Variants in XIRP2 observed in about 807,000 individuals in gnomAD.
XIRP2 encodes the protein xin actin binding repeat containing 2.
XIRP2 carries 236 observed loss-of-function variants against 277.0 expected under a neutral mutation model. That is an observed-to-expected ratio of 0.85 (90% CI 0.77 to 0.95). The LOEUF (loss-of-function observed/expected upper bound fraction) is 0.95. Among genes scored for constraint, XIRP2 ranks in the 40% least tolerant of loss-of-function variants. The pLI is 0.00. For missense variants in XIRP2, 4,640 were observed against 4,157.5 expected (o/e 1.12, Z -3.19); for synonymous variants, 1,490 against 1,416.5 (o/e 1.05, Z -1.17).
chr2:167,190,785 A>G (rs559048300), intron 3 of XIRP2, among the ~76,000 whole-genome samples: 2 of 152,330 alleles, frequency 1.3e-5, no homozygotes, highest in South Asian at 4.1e-4. Context: ...CAATGTGGCC[A>G]TATTTAATGA....
intron 4 of XIRP2, among the ~76,000 whole-genome samples, chr2:167,213,773 T>C (rs1487805414): frequency 2.6e-5 from 4 of 152,138 alleles, no homozygotes; most frequent in Non-Finnish European, 5.9e-5. Context: ...TCCTGCCATC[T>C]CACATGTGTA....
In XIRP2 at chr2:167,023,717, T is replaced by C. The variant is rs1387222734; in HGVS notation, c.409-112192T>C. On this transcript the variant is annotated intron_variant, in intron 2 of 10. Transcript: ENST00000409195. ...GCACCATTTATTAAATAGGGAATCC[T>C]TTCCCCATTGCTTGATTTTCTCGGG... 4.6e-5 allele frequency among the ~76,000 whole-genome samples: 7 copies of C among 152,320 alleles called. 1 individual carries two copies. In the South Asian group the frequency reaches 1.0e-3, roughly 23 times the overall value.
At chr2:167,026,648 T>C (rs1688170143) in intron 2 of XIRP2, among the ~76,000 whole-genome samples, 1 of 152,184 alleles carries the variant, frequency 6.6e-6, no homozygotes, top group Non-Finnish European at 1.5e-5. Flanking sequence ...AGGGCAGGCC[T>C]GGTGGTGAGA....
rs974305798 is a variant in XIRP2, at chr2:167,150,655, T to A, written c.562+14593T>A. Among the ~76,000 whole-genome samples the A allele has an allele frequency of 1.1e-4, 17 of 152,074 alleles. No individual in the cohort carries two copies. The East Asian group carries it at 3.1e-3, about 28-fold the overall frequency. On this transcript the variant is annotated intron_variant, in intron 3 of 10. Coordinates refer to ENST00000409195, the MANE Select transcript of XIRP2 (RefSeq NM_152381.6). The stretch of plus-strand genomic sequence containing the variant: ...TTGTTGTGTTTTATTTAACATTTTA[T>A]AGGAAGAAATCATTGTTGGTGTATT...
At chr2:166,988,209 T>C (rs1387037394) in intron 2 of XIRP2, among the ~76,000 whole-genome samples, 1 of 152,208 alleles carries the variant, frequency 6.6e-6, no homozygotes, top group Admixed American at 6.5e-5. Flanking sequence ...ATTACCTCTG[T>C]TGTATTATTG....
intron 2 of XIRP2, among the ~76,000 whole-genome samples, chr2:167,081,684 T>C (rs1449578431): frequency 6.6e-6 from 1 of 152,178 alleles, no homozygotes; most frequent in Non-Finnish European, 1.5e-5. Flanking sequence ...AGTCAGAAAG[T>C]ATTTAAATAT....
intron 2 of XIRP2, among the ~76,000 whole-genome samples, chr2:167,082,612 T>C (rs1181836135): frequency 2.0e-5 from 3 of 152,210 alleles, no homozygotes; most frequent in Non-Finnish European, 4.4e-5. Context: ...CACCTATTGT[T>C]TCCTGACTTT....
intron 2 of XIRP2, among the ~76,000 whole-genome samples, chr2:167,079,701 G>T (rs1689677260): frequency 6.6e-6 from 1 of 151,704 alleles, no homozygotes; most frequent in Admixed American, 6.6e-5. Flanking sequence ...TGCCGTCTCT[G>T]ATTGTACGTC....
chr2:167,254,896 T>C (rs1695615220), intron 10 of XIRP2, among the ~76,000 whole-genome samples: 2 of 146,570 alleles, frequency 1.4e-5, no homozygotes, highest in African/African-American at 2.6e-5. Flanking sequence ...TAGTCTGAGA[T>C]GCTAAAATTG....
chr2:166,988,790 C>G (rs1232703950), intron 2 of XIRP2, among the ~76,000 whole-genome samples: 2 of 38,304 alleles, frequency 5.2e-5, no homozygotes, highest in African/African-American at 2.5e-4. Context: ...GAGACTATAT[C>G]CCACACCTGG....
Position 167,234,440 on chromosome 2 carries a change from C to T in XIRP2, c.859-5415C>T, listed in dbSNP as rs531043434. Among the ~76,000 whole-genome samples the T allele has an allele frequency of 2.0e-5, 3 of 150,876 alleles. 1 individual carries two copies. In the South Asian group the frequency reaches 6.2e-4, roughly 31 times the overall value. Reference sequence around the variant, plus strand: ...TATTGCATAGATAGAGATATGATCACAGGAATGTATTAAACAATACTGACA... The same window carrying T: ...TATTGCATAGATAGAGATATGATCATAGGAATGTATTAAACAATACTGACA... On this transcript the variant is annotated intron_variant, in intron 5 of 10. Transcript: ENST00000409195.
intron 2 of XIRP2, among the ~76,000 whole-genome samples, chr2:166,952,582 T>C (rs1309538414): frequency 6.6e-6 from 1 of 152,052 alleles, no homozygotes; most frequent in Non-Finnish European, 1.5e-5. Context: ...TTATCTGTGG[T>C]GATTAATATT....
At chr2:167,122,820 G>T (rs1691093936) in intron 2 of XIRP2, among the ~76,000 whole-genome samples, 2 of 152,162 alleles carry the variant, frequency 1.3e-5, no homozygotes, top group South Asian at 4.1e-4. Flanking sequence ...TCAAGTGACT[G>T]TCTTTTATTT....
chr2:166,951,938 T>C (rs13413169), intron 2 of XIRP2, among the ~76,000 whole-genome samples: 13,005 of 152,054 alleles, frequency 0.086, 675 homozygotes, highest in Middle Eastern at 0.16. Flanking sequence ...TAATCGTGCT[T>C]CGAACTTTTA....
rs145536362 is a variant in XIRP2 at position 167,015,462 on chromosome 2, CA to C, written c.408+111573del. ...TCTATCTATCTATCTATCTATCTAT[CA>C]TATTAAACTCATTATCATTCTATGG... On this transcript the variant is annotated intron_variant, in intron 2 of 10. Transcript: ENST00000409195. Among the ~76,000 whole-genome samples the C allele has an allele frequency of 1.1e-3, 165 of 148,864 alleles. 3 individuals are homozygous for C. In the East Asian group the frequency reaches 0.038, roughly 35 times the overall value.
intron 1 of XIRP2, among the ~76,000 whole-genome samples, chr2:166,902,313 A>G (rs1684405488): frequency 6.6e-6 from 1 of 152,090 alleles, no homozygotes; most frequent in Non-Finnish European, 1.5e-5. Flanking sequence ...TTTCTTGTAT[A>G]TATACATTTA....
rs543133697 is a variant in XIRP2 at position 167,231,861 on chromosome 2, C to T, written c.859-7994C>T. ...AGTATTTCAGAAGCAACATCCAGTA[C>T]ACACTATTGATAGCATTGTCAGTGA... On this transcript the variant is annotated intron_variant, in intron 5 of 10. Coordinates refer to ENST00000409195, the MANE Select transcript of XIRP2 (RefSeq NM_152381.6). Among the ~76,000 whole-genome samples, 11 of 152,082 alleles carry T rather than the reference C, an allele frequency of 7.2e-5. No individual in the cohort carries two copies. In the East Asian group the frequency reaches 2.1e-3, roughly 29 times the overall value.
intron 5 of XIRP2, among the ~76,000 whole-genome samples, chr2:167,223,867 T>C (rs1299265209): frequency 6.6e-6 from 1 of 152,172 alleles, no homozygotes; most frequent in African/African-American, 2.4e-5. Flanking sequence ...GGAGTAGTAA[T>C]TGGGGCTGCT....
chr2:167,166,475 T>G (rs572234189), intron 3 of XIRP2, among the ~76,000 whole-genome samples: 1 of 152,186 alleles, frequency 6.6e-6, no homozygotes, highest in South Asian at 2.1e-4. Context: ...TTATATACAG[T>G]TGATTGATGG....
Sources: allele counts gnomAD v4.1 joint callset (sites outside exome capture counted in the v4.1 genomes callset), GRCh38; gene constraint gnomAD v4.1.1; transcripts MANE v1.5; gene names NCBI Gene and HGNC (gene_info 2026-07-23, HGNC 2026-07-21).